The following AKAP6 variants were observed in gnomAD, a reference collection of about 807,000 sequenced individuals.
The protein encoded by AKAP6 is A-kinase anchor protein 6.
AKAP6 carries 58 observed loss-of-function variants against 188.5 expected under a neutral mutation model. The observed-to-expected ratio is 0.31, with a 90% CI of 0.25 to 0.38. The LOEUF (loss-of-function observed/expected upper bound fraction) is 0.38, where lower values mean the gene tolerates loss of function less well. AKAP6 is among the 10% of genes least tolerant of loss of function. The probability of loss-of-function intolerance (pLI) is 1.00; values close to 1 mark genes in which losing one functional copy is unlikely to be tolerated. For synonymous variants in AKAP6, 989 were observed against 998.6 expected (o/e 0.99, Z 0.18); for missense variants, 2,710 against 2,740.0 (o/e 0.99, Z 0.24).
chr14:32,453,575 C>CT lies in AKAP6; in HGVS notation c.324+19797dup, dbSNP rs71115071. 4.7e-4 allele frequency among the ~76,000 whole-genome samples: 45 copies of CT among 95,352 alleles called. 2 individuals carry two copies. The highest frequency in any genetic ancestry group is 4.6e-3 in the East Asian group (13 of 2,832). 62.6% of individuals were successfully genotyped at this position (95,352 alleles called of 152,430 possible). On this transcript the variant is annotated intron_variant, in intron 2 of 13. Coordinates refer to ENST00000280979, the MANE Select transcript of AKAP6 (RefSeq NM_004274.5). ...GTGGAGATAATAGAATTTTTCTTTTCTTTTTTTTTTTTTTTTTTTTTTTTT... is the reference window on the plus strand; with the variant it reads ...GTGGAGATAATAGAATTTTTCTTTTCTTTTTTTTTTTTTTTTTTTTTTTTTT...
intron 1 of AKAP6, among the ~76,000 whole-genome samples, chr14:32,339,408 A>G (rs569096911): frequency 3.9e-5 from 6 of 152,212 alleles, no homozygotes; most frequent in Admixed American, 6.5e-5. Flanking sequence ...GTACCATCCA[A>G]TTATTCTAAA....
At chr14:32,569,831 C>T (rs1278643112) in intron 4 of AKAP6, among the ~76,000 whole-genome samples, 2 of 152,118 alleles carry the variant, frequency 1.3e-5, no homozygotes, top group Admixed American at 1.3e-4. Context: ...TGTCCTTTAG[C>T]TCTTATTTTT....
chr14:32,366,787 T>C (rs1887848993), intron 1 of AKAP6, among the ~76,000 whole-genome samples: 1 of 152,122 alleles, frequency 6.6e-6, no homozygotes, highest in Non-Finnish European at 1.5e-5. Flanking sequence ...CATTTATTTT[T>C]AGTATGTTTA....
intron 2 of AKAP6, among the ~76,000 whole-genome samples, chr14:32,467,355 G>A (rs1013820736): frequency 6.6e-6 from 1 of 152,084 alleles, no homozygotes; most frequent in African/African-American, 2.4e-5. Context: ...AACAAGATTG[G>A]ACAACAGTTA....
At chr14:32,654,683 GA>G (rs200664269) in intron 7 of AKAP6, among the ~76,000 whole-genome samples, 18,551 of 130,224 alleles carry the variant, frequency 0.14, 2,231 homozygotes, top group East Asian at 0.62. Flanking sequence ...TGTCTCTACT[GA>G]AAAAAAAAAA....
chr14:32,480,685 G>A (rs1879296787), intron 2 of AKAP6, among the ~76,000 whole-genome samples: 1 of 148,626 alleles, frequency 6.7e-6, no homozygotes, highest in Non-Finnish European at 1.5e-5. Context: ...ACTATGGTAG[G>A]TGAGGTTTGG....
At chr14:32,553,012 T>A (rs144185191) in intron 4 of AKAP6, among the ~76,000 whole-genome samples, 56 of 152,236 alleles carry the variant, frequency 3.7e-4, no homozygotes, top group African/African-American at 1.3e-3. Context: ...AGGAGGCACA[T>A]AGAAGCCCAG....
intron 11 of AKAP6, among the ~76,000 whole-genome samples, chr14:32,764,376 A>G (rs1051928016): frequency 1.3e-5 from 2 of 152,216 alleles, no homozygotes; most frequent in Non-Finnish European, 2.9e-5. Context: ...GCCTGTGAAG[A>G]TTGGACCTCT....
chr14:32,656,523 C>A (rs949659394), intron 7 of AKAP6, among the ~76,000 whole-genome samples: 3 of 152,164 alleles, frequency 2.0e-5, no homozygotes, highest in African/African-American at 7.2e-5. Flanking sequence ...TTTATTCAGT[C>A]CTCACTGGGC....
intron 8 of AKAP6, among the ~76,000 whole-genome samples, chr14:32,691,593 G>A (rs1286834970): frequency 6.6e-6 from 1 of 151,886 alleles, no homozygotes; most frequent in East Asian, 1.9e-4. Context: ...GAGTCTTGCT[G>A]TGTCGCCCAG....
chr14:32,448,005 C>T, intron 2 of AKAP6, among the ~76,000 whole-genome samples: 1 of 152,184 alleles, frequency 6.6e-6, no homozygotes, highest in East Asian at 1.9e-4. Flanking sequence ...ATTAATGATG[C>T]CCCGGACCAA....
At chr14:32,517,489 T>G (rs2139045234) in intron 2 of AKAP6, among the ~76,000 whole-genome samples, 1 of 152,164 alleles carries the variant, frequency 6.6e-6, no homozygotes, top group Admixed American at 6.5e-5. Flanking sequence ...GGGCATCACC[T>G]CACCCTAATA....
chr14:32,800,929 A>T (rs1004521547), intron 12 of AKAP6, among the ~76,000 whole-genome samples: 1 of 152,162 alleles, frequency 6.6e-6, no homozygotes, highest in Non-Finnish European at 1.5e-5. Context: ...AGGTGAGAGG[A>T]TCACTTGAGC....
chr14:32,546,946 A>G lies in AKAP6; in HGVS notation c.2293A>G (p.Met765Val), dbSNP rs1243698474. The G allele has an allele frequency of 1.2e-6, 2 of 1,610,628 alleles. No individual in the cohort carries two copies. The highest frequency in any genetic ancestry group is 1.7e-6 in the Non-Finnish European group (2 of 1,179,958). ...TAAATCAGCTTTAATTCAGAAACTG[A>G]TGCAAGATATTCAGCACCAAGACAA... ...ATKSALIQKL[M>V]QDIQHQDNYE... The change falls in exon 4 of 14, where the codon ATG becomes GTG. Residue 765 changes from methionine (M) to valine (V), a missense_variant. By Grantham distance (21) the Met-to-Val change is conservative. Transcript: ENST00000280979.
chr14:32,452,648 G>GA (rs200017295), intron 2 of AKAP6, among the ~76,000 whole-genome samples: 24 of 150,420 alleles, frequency 1.6e-4, no homozygotes, highest in African/African-American at 4.9e-4. Flanking sequence ...TGTTTCTACA[G>GA]AAAAAAAAAG....
At chr14:32,526,022 A>C (rs1196363645) in intron 2 of AKAP6, among the ~76,000 whole-genome samples, 2 of 152,186 alleles carry the variant, frequency 1.3e-5, no homozygotes, top group Non-Finnish European at 2.9e-5. Context: ...TATCATAAAA[A>C]GTCAGGATTA....
At chr14:32,385,045 C>CT (rs1888483775) in intron 1 of AKAP6, 1 of 151,848 alleles carries the variant, frequency 6.6e-6, no homozygotes, top group Non-Finnish European at 1.5e-5. Flanking sequence ...TGATAAAAAG[C>CT]TCTAGACTAC....
Position 32,705,546 on chromosome 14 carries a change from G to A in AKAP6, c.3000+9436G>A, listed in dbSNP as rs183668997. ...TAAGATTTTACTAATAAATTTGATTGTGTCAGTGCCCCATTCACATTATCT... is the reference window on the plus strand; with the variant it reads ...TAAGATTTTACTAATAAATTTGATTATGTCAGTGCCCCATTCACATTATCT... On this transcript the variant is annotated intron_variant, in intron 9 of 13. Coordinates refer to ENST00000280979, the MANE Select transcript of AKAP6 (RefSeq NM_004274.5). Among the ~76,000 whole-genome samples, 404 of 152,242 alleles carry A rather than the reference G, an allele frequency of 2.7e-3. 1 individual carries two copies. Among genetic ancestry groups the A allele is most frequent in the Non-Finnish European group, 3.9e-3 (265 of 68,002 alleles).
chr14:32,710,951 C>T (rs1014864475), intron 9 of AKAP6, among the ~76,000 whole-genome samples: 5 of 152,154 alleles, frequency 3.3e-5, no homozygotes, highest in East Asian at 1.9e-4. Context: ...TCTGCTTTTA[C>T]GCAATGGTAG....
Sources: allele counts gnomAD v4.1 joint callset (sites outside exome capture counted in the v4.1 genomes callset), GRCh38; gene constraint gnomAD v4.1.1; transcripts MANE v1.5; gene names NCBI Gene and HGNC (gene_info 2026-07-23, HGNC 2026-07-21).